DNAH5: variants seen among roughly 807,000 people sequenced by gnomAD.
DNAH5 encodes the protein axonemal beta dynein heavy chain 5.
A neutral mutation model predicts 518.2 loss-of-function variants in DNAH5; 372 were observed. The observed-to-expected ratio is 0.72, with a 90% CI of 0.66 to 0.78. The LOEUF (loss-of-function observed/expected upper bound fraction) is 0.78. Ranked by LOEUF, DNAH5 falls within the 30% of genes least tolerant of loss-of-function variation. DNAH5 has a pLI of 0.00. For synonymous variants in DNAH5, 2,039 were observed against 2,025.9 expected, an observed-to-expected ratio of 1.01 and a Z score of -0.17; for missense variants, 5,523 against 5,687.0, an observed-to-expected ratio of 0.97 and a Z score of 0.93.
intron 47 of DNAH5, among the ~76,000 whole-genome samples, chr5:13,805,630 T>C (rs1033117098): frequency 1.3e-5 from 2 of 152,200 alleles, no homozygotes. Context: ...ATACATGATA[T>C]GCCTGGAAGG....
At chr5:13,818,290 G>A (rs1358919191) in intron 41 of DNAH5, among the ~76,000 whole-genome samples, 1 of 152,176 alleles carries the variant, frequency 6.6e-6, no homozygotes, top group African/African-American at 2.4e-5. Context: ...TGAACAATAA[G>A]GTTTAAAGTA....
At chr5:13,957,206 T>A (rs1298515516) in intron 1 of DNAH5, among the ~76,000 whole-genome samples, 2 of 152,212 alleles carry the variant, frequency 1.3e-5, no homozygotes, top group East Asian at 3.8e-4. Context: ...AAGCACAGTC[T>A]ACACTACAGA....
At position 13,876,649 on chromosome 5, in the gene DNAH5, G is replaced by C. The variant is rs774339118; in HGVS notation, c.3396+35C>G. ...CTTTCACACAAGTGCATGTTGCAAA[G>C]CAAAAGGTCCGGCTGCCAGACCCTC... On this transcript the variant is annotated intron_variant, in intron 22 of 78. Coordinates refer to ENST00000265104, the MANE Select transcript of DNAH5 (RefSeq NM_001369.3). 18 of 1,608,338 alleles carry C rather than the reference G, an allele frequency of 1.1e-5. 1 individual carries two copies. The South Asian group carries it at 1.8e-4, about 16-fold the overall frequency.
rs768837837 is a variant in DNAH5 at position 13,885,146 on chromosome 5, C to A, written c.2826G>T (p.Thr942=). 1 of 1,614,198 alleles carries A rather than the reference C, an allele frequency of 6.2e-7. No homozygotes were observed. The highest frequency in any genetic ancestry group is 8.5e-7 in the Non-Finnish European group (1 of 1,180,034). Residue 942 remains threonine, a synonymous_variant, in exon 19 of 79, where the codon ACG becomes ACT. Coordinates refer to ENST00000265104, the MANE Select transcript of DNAH5 (RefSeq NM_001369.3). ...RANALLLTTV[T]RKKKETEMLG... ...ACATCTCAGTTTCTTTCTTTTTCCT[C>A]GTGACTGTCGTCAAAAGCAGGGCAT... is the stretch of plus-strand genomic sequence containing the variant.
At chr5:13,914,771 T>C in intron 9 of DNAH5, 129 bp from the exon 10 acceptor site, 1 of 932,126 alleles carries the variant, frequency 1.1e-6, no homozygotes, top group Non-Finnish European at 1.6e-6. Context: ...GGTTTATTTT[T>C]TTTCCATCAC....
chr5:13,771,679 G>A (rs1324125936), intron 55 of DNAH5, among the ~76,000 whole-genome samples: 3 of 152,092 alleles, frequency 2.0e-5, no homozygotes, highest in Non-Finnish European at 2.9e-5. Flanking sequence ...CCACTGCGAC[G>A]GGTGCCATGG....
chr5:13,694,727 G>A (rs184109886), intron 78 of DNAH5, among the ~76,000 whole-genome samples: 2 of 152,146 alleles, frequency 1.3e-5, no homozygotes, highest in African/African-American at 4.8e-5. Flanking sequence ...CTATAGAATC[G>A]TTAAGTCATT....
At position 14,000,139 on chromosome 5, in the gene DNAH5, A is replaced by C. The variant is rs1438131132; in HGVS notation, c.12+11509T>G. On this transcript the variant is annotated intron_variant, in intron 1 of 78. Transcript: ENST00000681290. ...GGGTCTTTGCAGATTTAACCAAGTT[A>C]AGATGAGGTCACTAGGGTGGGCTCT... 2.6e-5 allele frequency among the ~76,000 whole-genome samples: 4 copies of C among 152,016 alleles called. No homozygotes were observed. The East Asian group carries it at 5.8e-4, about 22-fold the overall frequency.
chr5:13,758,899 C>T lies in DNAH5; in HGVS notation c.10366G>A (p.Ala3456Thr). The T allele has an allele frequency of 2.5e-6, 4 of 1,614,194 alleles. No individual in the cohort carries two copies. Among genetic ancestry groups the T allele is most frequent in the Non-Finnish European group, 3.4e-6 (4 of 1,180,036 alleles). ...TCAGCCTGCACCACGTCAAGTTCCGCCTGCTTGTCATCCAACTCGGCCTGG... is the reference window on the plus strand; with the variant it reads ...TCAGCCTGCACCACGTCAAGTTCCGTCTGCTTGTCATCCAACTCGGCCTGG... ...KAQAELDDKQ[A>T]ELDVVQAEYE... The change falls in exon 61 of 79, where the codon GCG (alanine) becomes ACG (threonine). Residue 3456 changes from alanine to threonine, a missense_variant. This residue lies in a region of DNAH5 where 5,121 missense variants were observed against 5,223.3 expected (regional missense o/e 0.98). Transcript: ENST00000265104.
rs1317631970 is a variant in DNAH5 at position 13,902,076 on chromosome 5, T to TA, written c.1706dup (p.Arg570LysfsTer7). The TA allele has an allele frequency of 6.2e-7, 1 of 1,606,986 alleles. No homozygotes were observed. Among genetic ancestry groups the TA allele is most frequent in the Non-Finnish European group, 8.5e-7 (1 of 1,175,756 alleles). On this transcript the variant is annotated frameshift_variant, in exon 13 of 79. Transcript: ENST00000265104. LOFTEE classifies it high-confidence loss of function. ...ACCTTTCAAATTTCTTCAACATTCT[T>TA]AGAGCTTGATTTGTGTTTTGAATCT...
chr5:13,902,439 C>T (rs1426764825), intron 12 of DNAH5, among the ~76,000 whole-genome samples: 1 of 152,116 alleles, frequency 6.6e-6, no homozygotes, highest in Non-Finnish European at 1.5e-5. Flanking sequence ...CTATGGGGTC[C>T]TAACATTCTC....
At chr5:13,764,696 A>G (rs552191153) in intron 59 of DNAH5, among the ~76,000 whole-genome samples, 16 of 152,218 alleles carry the variant, frequency 1.1e-4, no homozygotes, top group Non-Finnish European at 1.9e-4. Flanking sequence ...ACTCCTGAGT[A>G]TGAAACCAAC....
chr5:13,761,996 T>C (rs565882343), intron 60 of DNAH5, among the ~76,000 whole-genome samples: 32 of 152,192 alleles, frequency 2.1e-4, no homozygotes, highest in Non-Finnish European at 4.0e-4. Context: ...TAGTTGATGA[T>C]TAAGAGAGAT....
At chr5:13,703,457 T>C (rs1045569233) in intron 76 of DNAH5, among the ~76,000 whole-genome samples, 1 of 152,230 alleles carries the variant, frequency 6.6e-6, no homozygotes, top group African/African-American at 2.4e-5. Flanking sequence ...AGTAAGTGCA[T>C]ACTCAAAACC....
intron 34 of DNAH5, among the ~76,000 whole-genome samples, chr5:13,840,450 C>T (rs1309330612): frequency 6.6e-6 from 1 of 152,040 alleles, no homozygotes; most frequent in African/African-American, 2.4e-5. Context: ...TAGGAAAGGC[C>T]ATTTGCAATC....
chr5:13,996,687 G>A (rs1357016899), intron 1 of DNAH5, among the ~76,000 whole-genome samples: 3 of 152,248 alleles, frequency 2.0e-5, no homozygotes, highest in East Asian at 1.9e-4. Flanking sequence ...TGGGGCAGAC[G>A]TTAGACCCCC....
intron 46 of DNAH5, among the ~76,000 whole-genome samples, chr5:13,808,610 G>C (rs1437868692): frequency 1.3e-5 from 2 of 152,212 alleles, no homozygotes; most frequent in African/African-American, 4.8e-5. Context: ...AGTAGGTTAG[G>C]TGACATTTTC....
rs568387670 is a variant in DNAH5, at chr5:13,824,068, T to C, written c.6579+131A>G. On this transcript the variant is annotated intron_variant, in intron 39 of 78. Coordinates refer to ENST00000265104, the MANE Select transcript of DNAH5 (RefSeq NM_001369.3). ...GAAAAAGTATAATTTAAAGTGATGC[T>C]CTCCAGCACTTTATCTGACAATTAG... 255 of 952,488 alleles carry C rather than the reference T, an allele frequency of 2.7e-4. 2 individuals are homozygous for C. The African/African-American group carries it at 3.3e-3, about 12-fold the overall frequency. 59.0% of individuals were successfully genotyped at this position (952,488 alleles called of 1,614,324 possible).
chr5:13,841,628 G>A, intron 33 of DNAH5, 64 bp downstream of exon 33: 1 of 1,283,874 alleles, frequency 7.8e-7, no homozygotes, highest in East Asian at 2.4e-5. Context: ...GCTTACAATA[G>A]GTAATGTCTG....
Sources: allele counts gnomAD v4.1 joint callset (sites outside exome capture counted in the v4.1 genomes callset), GRCh38; gene constraint gnomAD v4.1.1; regional missense constraint gnomAD v4.1.1; transcripts MANE v1.5; gene names NCBI Gene and HGNC (gene_info 2026-07-23, HGNC 2026-07-21).